SRBD1: variants seen among roughly 807,000 people sequenced by gnomAD.
SRBD1 encodes the protein S1 RNA-binding domain-containing protein 1.
Under a neutral mutation model 115.3 loss-of-function variants are expected in SRBD1, and 88 were observed. That is an observed-to-expected ratio of 0.76 (90% CI 0.64 to 0.91). SRBD1 has a LOEUF of 0.91. Among genes scored for constraint, SRBD1 ranks in the 40% least tolerant of loss-of-function variants. The probability of loss-of-function intolerance (pLI) is 0.00; values close to 1 mark genes in which losing one functional copy is unlikely to be tolerated. For synonymous variants in SRBD1, 509 were observed against 407.7 expected (o/e 1.25, Z -2.99); for missense variants, 1,385 against 1,177.4 (o/e 1.18, Z -2.58).
intron 9 of SRBD1, among the ~76,000 whole-genome samples, chr2:45,566,907 C>T (rs1672847146): frequency 6.6e-6 from 1 of 152,078 alleles, no homozygotes; most frequent in South Asian, 2.1e-4. Context: ...TAATGGCTTT[C>T]TTCCAATTAC....
Position 45,575,612 on chromosome 2 carries a change from G to C in SRBD1, c.1073-889C>G, listed in dbSNP as rs556889801. ...TTTGTTATGGCATAATTAATAAATA[G>C]AAAATATCTAGTTTGGTTGTGTTAG... is the stretch of plus-strand genomic sequence containing the variant. On this transcript the variant is annotated intron_variant, in intron 7 of 20. Coordinates refer to ENST00000263736, the MANE Select transcript of SRBD1 (RefSeq NM_018079.5). Among the ~76,000 whole-genome samples, 76 of 152,302 alleles carry C rather than the reference G, an allele frequency of 5.0e-4. 1 individual carries two copies. The highest frequency in any genetic ancestry group is 2.9e-5 in the Non-Finnish European group (2 of 68,020).
At chr2:45,538,789 A>G (rs1287307127) in intron 14 of SRBD1, among the ~76,000 whole-genome samples, 1 of 152,244 alleles carries the variant, frequency 6.6e-6, no homozygotes. Flanking sequence ...CATAAGTAAA[A>G]TAACTACAAG....
chr2:45,485,837 A>G (rs1189151272), intron 15 of SRBD1, among the ~76,000 whole-genome samples: 1 of 152,204 alleles, frequency 6.6e-6, no homozygotes, highest in Non-Finnish European at 1.5e-5. Context: ...AAAGACTCCC[A>G]ATGAGAAATA....
At chr2:45,561,336 C>A (rs1295397843) in intron 10 of SRBD1, among the ~76,000 whole-genome samples, 1 of 152,054 alleles carries the variant, frequency 6.6e-6, no homozygotes, top group Non-Finnish European at 1.5e-5. Context: ...AGCAATTTAC[C>A]TATTGATTAA....
chr2:45,547,241 AG>A (rs1223565915), intron 13 of SRBD1, among the ~76,000 whole-genome samples: 3 of 152,218 alleles, frequency 2.0e-5, no homozygotes, highest in Non-Finnish European at 4.4e-5. Flanking sequence ...TCAGATGGAA[AG>A]AAGGCAGGGA....
chr2:45,494,035 T>C (rs985883546), intron 14 of SRBD1, among the ~76,000 whole-genome samples: 1 of 152,056 alleles, frequency 6.6e-6, no homozygotes, highest in Non-Finnish European at 1.5e-5. Context: ...AAAATTAAAC[T>C]GCACTATTTA....
intron 15 of SRBD1, among the ~76,000 whole-genome samples, chr2:45,480,481 C>T (rs565368272): frequency 6.6e-6 from 1 of 152,276 alleles, no homozygotes; most frequent in South Asian, 2.1e-4. Flanking sequence ...TGGAGAAAGT[C>T]ACTTCAGATG....
intron 2 of SRBD1, 48 bp from the exon 3 acceptor site, chr2:45,602,131 G>T: frequency 6.4e-7 from 1 of 1,558,816 alleles, no homozygotes; most frequent in South Asian, 1.2e-5. Flanking sequence ...AAAAGCAAAT[G>T]TCAAAGGTAA....
intron 16 of SRBD1, among the ~76,000 whole-genome samples, chr2:45,433,509 T>G (rs1389946965): frequency 1.3e-5 from 2 of 152,226 alleles, no homozygotes; most frequent in Non-Finnish European, 2.9e-5. Context: ...TCATTTTGCA[T>G]CTCCTTTCCT....
intron 14 of SRBD1, among the ~76,000 whole-genome samples, chr2:45,491,109 C>G (rs575753372): frequency 1.2e-4 from 19 of 152,040 alleles, no homozygotes; most frequent in Admixed American, 5.2e-4. Context: ...TTGCTAAGAA[C>G]AAAAGTTTTA....
Position 45,422,996 on chromosome 2 carries a change from A to G in SRBD1, c.2050-3102T>C, listed in dbSNP as rs1361041126. On this transcript the variant is annotated intron_variant, in intron 16 of 20. Transcript: ENST00000263736. ...GTGACAAAATTGAGAGAAAATGTTGACTCCAATCAGTAATCTCTGACTTGA... is the reference window on the plus strand; with the variant it reads ...GTGACAAAATTGAGAGAAAATGTTGGCTCCAATCAGTAATCTCTGACTTGA... 3.3e-5 allele frequency among the ~76,000 whole-genome samples: 5 copies of G among 152,192 alleles called. No individual in the cohort carries two copies. In the East Asian group the frequency reaches 5.8e-4, roughly 18 times the overall value.
intron 16 of SRBD1, among the ~76,000 whole-genome samples, chr2:45,430,170 C>G (rs935184795): frequency 1.3e-5 from 2 of 152,144 alleles, no homozygotes; most frequent in African/African-American, 2.4e-5. Context: ...ACATTCCATG[C>G]TCATGGATAG....
chr2:45,463,430 C>T (rs1669385911), intron 16 of SRBD1, among the ~76,000 whole-genome samples: 1 of 152,110 alleles, frequency 6.6e-6, no homozygotes, highest in Admixed American at 6.5e-5. Context: ...CTCCAACACA[C>T]ATATATAAAG....
intron 14 of SRBD1, among the ~76,000 whole-genome samples, chr2:45,515,310 G>C (rs770272419): frequency 6.6e-6 from 1 of 152,130 alleles, no homozygotes; most frequent in Non-Finnish European, 1.5e-5. Context: ...AAGAAACGAA[G>C]GTAGAGAGGT....
Position 45,573,245 on chromosome 2 carries a change from G to C in SRBD1, c.1267C>G (p.His423Asp). The change falls in exon 9 of 21, where the codon CAT becomes GAT. Residue 423 changes from histidine to aspartate, a missense_variant. By Grantham distance (81) the His-to-Asp change is moderately conservative. Coordinates refer to ENST00000263736, the MANE Select transcript of SRBD1 (RefSeq NM_018079.5). ...ATGTTTCTTATGTTGCAGGAAAAAT[G>C]CTGGTAGAGCAGAAACTTATCAACA... ...KDVDKFLLYQ[H>D]FSCNIRNIHH... 6.2e-7 allele frequency: 1 copy of C among 1,610,716 alleles called. No homozygotes were observed.
intron 14 of SRBD1, among the ~76,000 whole-genome samples, chr2:45,532,576 T>C (rs1464326066): frequency 2.6e-5 from 4 of 151,830 alleles, no homozygotes. Flanking sequence ...GAGATATCTT[T>C]AATCCCCCAT....
In SRBD1 at chr2:45,580,676, CTTTTTTTTTT is replaced by C. The variant is rs369067711; in HGVS notation, c.934-673_934-664del. Among the ~76,000 whole-genome samples the C allele has an allele frequency of 3.6e-3, 276 of 76,388 alleles. 2 individuals are homozygous for C. The highest frequency in any genetic ancestry group is 5.8e-3 in the Non-Finnish European group (246 of 42,246). The allele number at this position is 76,388 out of a possible 152,430, so 50.1% of individuals were successfully genotyped here. On this transcript the variant is annotated intron_variant, in intron 6 of 20. Coordinates refer to ENST00000263736, the MANE Select transcript of SRBD1 (RefSeq NM_018079.5). ...ACCTGGCCGGTCAATTCTTCTACTT[CTTTTTTTTTT>C]TTTTTTTTTTTTTTTTTGAGATGGA... is the stretch of plus-strand genomic sequence containing the variant.
At chr2:45,596,048 A>G (rs1673884680) in intron 4 of SRBD1, among the ~76,000 whole-genome samples, 1 of 152,250 alleles carries the variant, frequency 6.6e-6, no homozygotes, top group Non-Finnish European at 1.5e-5. Flanking sequence ...TAGCATGCCT[A>G]TAATTTTCAA....
chr2:45,508,124 T>C (rs1459483598), intron 14 of SRBD1, among the ~76,000 whole-genome samples: 2 of 152,178 alleles, frequency 1.3e-5, no homozygotes, highest in Non-Finnish European at 2.9e-5. Flanking sequence ...AGTCACACTA[T>C]AATTTAAATG....
Sources: gnomAD v4.1 joint callset for allele counts (sites outside exome capture counted in the v4.1 genomes callset) on GRCh38, gnomAD v4.1.1 for gene constraint, MANE v1.5 for transcripts, NCBI Gene and HGNC (gene_info 2026-07-23, HGNC 2026-07-21) for gene names.